The following RTN4 variants were observed in gnomAD, a reference collection of about 807,000 sequenced individuals.
RTN4 encodes the protein reticulon 4.
In RTN4, 32 loss-of-function variants were observed where a neutral mutation model predicts 90.4. The ratio of observed to expected loss-of-function variants is 0.35; its 90% CI spans 0.27 to 0.48. The LOEUF is 0.48. Ranked by LOEUF, RTN4 falls within the 20% of genes least tolerant of loss-of-function variation. RTN4 has a pLI of 0.99. For missense variants in RTN4, 1,706 were observed against 1,430.2 expected (o/e 1.19, Z -3.11); for synonymous variants, 629 against 552.5 (o/e 1.14, Z -1.94).
At chr2:55,088,188 C>G (rs1303719963) in intron 1 of RTN4, among the ~76,000 whole-genome samples, 1 of 152,184 alleles carries the variant, frequency 6.6e-6, no homozygotes, top group Non-Finnish European at 1.5e-5. Context: ...ATGGCAGAGA[C>G]AAATTCTATG....
rs775886881 is a variant in RTN4 at position 55,050,141 on chromosome 2, C to T, written c.160G>A (p.Val54Met). ...CCGGCGGCGGGCTTCCTCTCCAGCA[C>T]CTCCAGCTCCTCCAGGTCTTCGTCC... ...DEDEDLEELE[V>M]LERKPAAGLS... Residue 54 changes from valine (V) to methionine (M), a missense_variant, in exon 1 of 9, where the codon GTG (valine) becomes ATG (methionine). Physicochemically the swap from Val to Met is conservative, Grantham distance 21. Transcript: ENST00000337526. This position sits in a 1 kb window ranked among gnomAD's most constrained non-coding sequence, Gnocchi z 4.6. 5.2e-6 allele frequency: 8 copies of T among 1,550,096 alleles called. No homozygotes were observed. The South Asian group carries it at 8.2e-5, about 16-fold the overall frequency.
At chr2:55,007,929 C>G (rs569585382) in intron 3 of RTN4, among the ~76,000 whole-genome samples, 1 of 152,020 alleles carries the variant, frequency 6.6e-6, no homozygotes, top group Non-Finnish European at 1.5e-5. Flanking sequence ...AATCCCTAGG[C>G]CTACCCATTC....
chr2:55,022,828 A>G (rs1465694370), intron 3 of RTN4, among the ~76,000 whole-genome samples: 1 of 151,566 alleles, frequency 6.6e-6, no homozygotes, highest in Non-Finnish European at 1.5e-5. Context: ...CCTTTGCCTG[A>G]TGGCCTAACA....
intron 3 of RTN4, among the ~76,000 whole-genome samples, chr2:55,012,277 A>G (rs529780985): frequency 1.3e-5 from 2 of 152,174 alleles, no homozygotes; most frequent in Non-Finnish European, 2.9e-5. Context: ...CCACTCATCT[A>G]AACATTAAAC....
At chr2:55,123,604 C>A in the RTN4 span, among the ~76,000 whole-genome samples, 1 of 151,430 alleles carries the variant, frequency 6.6e-6, no homozygotes, top group East Asian at 1.9e-4. Flanking sequence ...AAAAAGTAAG[C>A]CAGAAAAATC....
At chr2:54,973,523 C>T (rs199722648) in intron 8 of RTN4, 40 bp downstream of exon 8, 47 of 1,455,238 alleles carry the variant, frequency 3.2e-5, no homozygotes, top group Non-Finnish European at 4.4e-5. Context: ...ATCCAGCACA[C>T]CTTATCCTAG....
chr2:55,090,331 A>T (rs955012523), intron 1 of RTN4, among the ~76,000 whole-genome samples: 1 of 152,222 alleles, frequency 6.6e-6, no homozygotes, highest in Non-Finnish European at 1.5e-5. Flanking sequence ...TTACAGTATT[A>T]CCTTCACACT....
chr2:55,038,259 A>G (rs1682824842), intron 1 of RTN4, among the ~76,000 whole-genome samples: 1 of 152,166 alleles, frequency 6.6e-6, no homozygotes, highest in Non-Finnish European at 1.5e-5. Flanking sequence ...AGCACTAACC[A>G]TGAAAGAAAA....
intron 5 of RTN4, among the ~76,000 whole-genome samples, chr2:54,977,758 C>T (rs779685219): frequency 1.2e-4 from 19 of 152,146 alleles, no homozygotes; most frequent in African/African-American, 4.3e-4. Flanking sequence ...GGAAAATGAT[C>T]GTTGCTCACT....
intron 1 of RTN4, among the ~76,000 whole-genome samples, chr2:55,044,876 G>A (rs545770827): frequency 6.7e-6 from 1 of 150,276 alleles, no homozygotes; most frequent in Non-Finnish European, 1.5e-5. Context: ...TATCCATGAG[G>A]AGTATACTAC....
intron 1 of RTN4, among the ~76,000 whole-genome samples, chr2:55,084,887 T>C (rs1668808166): frequency 6.6e-6 from 1 of 152,136 alleles, no homozygotes; most frequent in African/African-American, 2.4e-5. Context: ...TGGGCTCAAG[T>C]GATCCCCCCT....
intron 4 of RTN4, among the ~76,000 whole-genome samples, chr2:54,983,063 T>C (rs1678269309): frequency 6.6e-6 from 1 of 151,674 alleles, no homozygotes; most frequent in South Asian, 2.1e-4. Flanking sequence ...ATGACTATGG[T>C]TGTTTTTTTT....
intron 3 of RTN4, among the ~76,000 whole-genome samples, chr2:55,024,358 C>CATCA (rs1405354912): frequency 6.6e-6 from 1 of 152,192 alleles, no homozygotes; most frequent in African/African-American, 2.4e-5. Context: ...CTGGACTGTA[C>CATCA]TGCTGAAGCA....
At chr2:55,089,415 T>C (rs867915635) in intron 1 of RTN4, among the ~76,000 whole-genome samples, 45 of 152,214 alleles carry the variant, frequency 3.0e-4, no homozygotes, top group African/African-American at 8.4e-4. Context: ...GTCTCTGTTC[T>C]GGTTTGAGGC....
chr2:54,982,594 G>C lies in RTN4; in HGVS notation c.3281C>G (p.Ser1094Cys), dbSNP rs1678229974. Residue 1094 changes from serine to cysteine, a missense_variant, in exon 5 of 9, where the codon TCT becomes TGT. Ser to Cys is a moderately radical substitution (Grantham distance 112, BLOSUM62 -1). Transcript: ENST00000337526. ...SEELVQKYSN[S>C]ALGHVNCTIK... Reference sequence around the variant, plus strand: ...CGTGCAGTTCACATGACCAAGAGCAGAATTACTGTACTTCTGAACCAACTC... The same window carrying C: ...CGTGCAGTTCACATGACCAAGAGCACAATTACTGTACTTCTGAACCAACTC... 1.2e-6 allele frequency: 2 copies of C among 1,613,692 alleles called. No homozygotes were observed. The highest frequency in any genetic ancestry group is 1.7e-6 in the Non-Finnish European group (2 of 1,179,824).
At chr2:55,116,091 CTTTTTTTTTTTT>C (rs5831339), upstream of RTN4, among the ~76,000 whole-genome samples, 1 of 105,474 alleles carries the variant, frequency 9.5e-6, no homozygotes, top group Non-Finnish European at 1.8e-5. Flanking sequence ...GGGGACTAGT[CTTTTTTTTTTTT>C]TTTTTTTTTG....
At chr2:55,101,516 T>G (rs150028574) in intron 1 of RTN4, among the ~76,000 whole-genome samples, 1 of 152,284 alleles carries the variant, frequency 6.6e-6, no homozygotes, top group East Asian at 1.9e-4. Flanking sequence ...CAAAATGATT[T>G]GGTGTATATT....
At chr2:55,012,066 G>T (rs6726158) in intron 3 of RTN4, among the ~76,000 whole-genome samples, 91,418 of 151,998 alleles carry the variant, frequency 0.6, 27,590 homozygotes, top group South Asian at 0.73. Flanking sequence ...AATAAATAAC[G>T]AGCATTAGAA....
chr2:55,076,095 TAAAAAA>T, intron 2 of RTN4, among the ~76,000 whole-genome samples: 1 of 152,170 alleles, frequency 6.6e-6, no homozygotes, highest in South Asian at 2.1e-4. Flanking sequence ...TAATTAAATT[TAAAAAA>T]GCTCCTGCAC....
Sources: gnomAD v4.1 joint callset for allele counts (sites outside exome capture counted in the v4.1 genomes callset) on GRCh38, gnomAD v4.1.1 for gene constraint, Gnocchi (gnomAD v3.1) non-coding constraint, MANE v1.5 for transcripts, NCBI Gene and HGNC (gene_info 2026-07-23, HGNC 2026-07-21) for gene names.